The following CSMD1 variants were observed in gnomAD, a reference collection of about 807,000 sequenced individuals.
The protein encoded by CSMD1 is CUB and Sushi multiple domains 1, also known as CUB and sushi domain-containing protein 1.
Under a neutral mutation model 417.5 loss-of-function variants are expected in CSMD1, and 213 were observed. The ratio of observed to expected loss-of-function variants is 0.51; its 90% CI spans 0.46 to 0.57. The LOEUF (loss-of-function observed/expected upper bound fraction) is 0.57, where lower values mean the gene tolerates loss of function less well. Among genes scored for constraint, CSMD1 ranks in the 20% least tolerant of loss-of-function variants. The pLI, the probability that CSMD1 is intolerant of heterozygous loss-of-function variation, is 0.00. For missense variants in CSMD1, 6,923 were observed against 4,529.7 expected (o/e 1.53, Z -15.17); for synonymous variants, 2,862 against 1,736.8 (o/e 1.65, Z -16.11).
intron 1 of CSMD1, among the ~76,000 whole-genome samples, chr8:4,977,651 C>T (rs183028857): frequency 5.9e-5 from 9 of 152,292 alleles, no homozygotes; most frequent in Admixed American, 3.3e-4. Flanking sequence ...ACGTGCAGAC[C>T]CAGATGCCTC....
chr8:4,151,342 T>G (rs1796561132), intron 3 of CSMD1, among the ~76,000 whole-genome samples: 1 of 152,208 alleles, frequency 6.6e-6, no homozygotes, highest in African/African-American at 2.4e-5. Context: ...ATAAATCACT[T>G]ATTTACAGTG....
At chr8:4,486,988 C>G (rs148165767) in intron 2 of CSMD1, among the ~76,000 whole-genome samples, 132 of 152,276 alleles carry the variant, frequency 8.7e-4, no homozygotes, top group African/African-American at 3.0e-3. Context: ...CGGCTACACA[C>G]GCCTTCCACA....
At chr8:3,758,775 C>T (rs902725677) in intron 5 of CSMD1, among the ~76,000 whole-genome samples, 1 of 152,184 alleles carries the variant, frequency 6.6e-6, no homozygotes, top group African/African-American at 2.4e-5. Context: ...GTCAATGTGT[C>T]ACCTGACATG....
intron 11 of CSMD1, among the ~76,000 whole-genome samples, chr8:3,481,066 G>C (rs796240050): frequency 1.3e-5 from 2 of 148,796 alleles, no homozygotes; most frequent in African/African-American, 4.9e-5. Context: ...TGAGGCAGGA[G>C]AGTGCTTTGA....
chr8:3,592,288 C>T (rs1007376625), intron 8 of CSMD1, among the ~76,000 whole-genome samples: 1 of 151,942 alleles, frequency 6.6e-6, no homozygotes, highest in East Asian at 1.9e-4. Flanking sequence ...TTAAAAAGTC[C>T]ACTTCAAACA....
At chr8:4,498,114 C>G (rs1247190629) in intron 2 of CSMD1, among the ~76,000 whole-genome samples, 1 of 152,152 alleles carries the variant, frequency 6.6e-6, no homozygotes, top group Non-Finnish European at 1.5e-5. Context: ...AAATAATCCA[C>G]TTTGTCCTTT....
intron 5 of CSMD1, among the ~76,000 whole-genome samples, chr8:3,950,868 CATTTT>C (rs1811553605): frequency 6.6e-6 from 1 of 151,886 alleles, no homozygotes; most frequent in African/African-American, 2.4e-5. Context: ...GATTAAATTT[CATTTT>C]ATTTCTCTTT....
chr8:4,253,452 A>C (rs1017779402), intron 3 of CSMD1, among the ~76,000 whole-genome samples: 2 of 152,186 alleles, frequency 1.3e-5, no homozygotes, highest in South Asian at 4.1e-4. Context: ...CCATATCAGG[A>C]CCTAATAAAC....
At chr8:4,620,306 A>T (rs916701949) in intron 2 of CSMD1, among the ~76,000 whole-genome samples, 10 of 151,630 alleles carry the variant, frequency 6.6e-5, no homozygotes, top group East Asian at 3.9e-4. Flanking sequence ...ATGTGTATAC[A>T]TATGTATTAC....
intron 49 of CSMD1, among the ~76,000 whole-genome samples, chr8:3,084,912 G>T (rs11782226): frequency 0.23 from 34,860 of 151,172 alleles, 4,142 homozygotes; most frequent in Non-Finnish European, 0.26. Context: ...TTTGTTTTAA[G>T]CATTATAATC....
chr8:3,167,019 G>A (rs1051446750), intron 37 of CSMD1, among the ~76,000 whole-genome samples: 3 of 152,062 alleles, frequency 2.0e-5, no homozygotes, highest in East Asian at 1.9e-4. Context: ...GGGCACAGTG[G>A]CTCACGCCTG....
chr8:3,800,946 T>A (rs911410395), intron 5 of CSMD1, among the ~76,000 whole-genome samples: 2 of 152,020 alleles, frequency 1.3e-5, no homozygotes, highest in African/African-American at 4.8e-5. Context: ...CAGCCCCAAA[T>A]ATTCCTTTTA....
rs543197519 is a variant in CSMD1, at chr8:4,567,904, C to A, written c.302+69438G>T. Among the ~76,000 whole-genome samples, 6 of 152,202 alleles carry A rather than the reference C, an allele frequency of 3.9e-5. No individual in the cohort carries two copies. The East Asian group carries it at 9.7e-4, about 25-fold the overall frequency. On this transcript the variant is annotated intron_variant, in intron 2 of 69. Transcript: ENST00000635120. ...TAGTCTTTTCATTTTTTAATGAGTT[C>A]ACTTAATCAATGACCTGAAATTGCA...
chr8:4,730,856 G>C (rs1187967070), intron 1 of CSMD1, among the ~76,000 whole-genome samples: 1 of 152,126 alleles, frequency 6.6e-6, no homozygotes, highest in Non-Finnish European at 1.5e-5. Flanking sequence ...AATAAGAGCC[G>C]TAACGAGAAA....
chr8:3,585,442 C>T (rs1800559786), intron 9 of CSMD1, among the ~76,000 whole-genome samples: 1 of 152,216 alleles, frequency 6.6e-6, no homozygotes, highest in South Asian at 2.1e-4. Context: ...AAAACAAAAC[C>T]TCCAAACCCA....
Position 2,957,796 on chromosome 8 carries a change from C to T in CSMD1, c.9714G>A (p.Thr3238=), listed in dbSNP as rs148647263. The T allele has an allele frequency of 8.2e-5, 130 of 1,582,272 alleles. No homozygotes were observed. The highest frequency in any genetic ancestry group is 5.0e-4 in the South Asian group (43 of 86,456). Residue 3238 remains threonine, a synonymous_variant, in exon 63 of 70, where the codon ACG becomes ACA. Coordinates refer to ENST00000635120, the MANE Select transcript of CSMD1 (RefSeq NM_033225.6). The stretch of plus-strand genomic sequence containing the variant: ...AGCCTTTTCTGCACCTGAAAAAAAC[C>T]GTGCTTCCAACCTAGAGAGGAAATC... ...NSSRGYEVGS[T]VFFRCRKGYH...
intron 2 of CSMD1, among the ~76,000 whole-genome samples, chr8:4,525,328 G>T (rs1796460164): frequency 6.6e-6 from 1 of 152,030 alleles, no homozygotes; most frequent in South Asian, 2.1e-4. Flanking sequence ...CCGGCATGGG[G>T]ATTTCTCAGC....
At chr8:3,666,044 C>T (rs1336906559) in intron 7 of CSMD1, among the ~76,000 whole-genome samples, 1 of 152,050 alleles carries the variant, frequency 6.6e-6, no homozygotes, top group Non-Finnish European at 1.5e-5. Flanking sequence ...TACAGGTGCC[C>T]AACACCACAC....
At chr8:3,935,945 T>C (rs1406672509) in intron 5 of CSMD1, among the ~76,000 whole-genome samples, 1 of 152,080 alleles carries the variant, frequency 6.6e-6, no homozygotes, top group Non-Finnish European at 1.5e-5. Context: ...AGCCAAGCTG[T>C]GAATGCAAAG....
Sources: gnomAD v4.1 joint callset for allele counts (sites outside exome capture counted in the v4.1 genomes callset) on GRCh38, gnomAD v4.1.1 for gene constraint, MANE v1.5 for transcripts, NCBI Gene and HGNC (gene_info 2026-07-23, HGNC 2026-07-21) for gene names.